Variants in SPOP observed in about 807,000 individuals in gnomAD.
The protein encoded by SPOP is speckle-type POZ protein.
SPOP carries 11 observed loss-of-function variants against 45.6 expected under a neutral mutation model. The ratio of observed to expected loss-of-function variants is 0.24; its 90% confidence interval spans 0.15 to 0.40. SPOP has a LOEUF of 0.40. SPOP is among the 10% of genes least tolerant of loss of function. The probability of loss-of-function intolerance (pLI) is 1.00; values close to 1 mark genes in which losing one functional copy is unlikely to be tolerated. For missense variants in SPOP, 152 were observed against 465.6 expected (o/e 0.33, Z 6.20); for synonymous variants, 166 against 166.3 (o/e 1.00, Z 0.01).
At chr17:49,665,390 G>A (rs1482979603) in intron 1 of SPOP, among the ~76,000 whole-genome samples, 1 of 152,060 alleles carries the variant, frequency 6.6e-6, no homozygotes, top group African/African-American at 2.4e-5. Flanking sequence ...CAAGGCGGGC[G>A]GATCATGAGG....
chr17:49,664,716 G>A (rs906229648), intron 1 of SPOP, among the ~76,000 whole-genome samples: 3 of 152,188 alleles, frequency 2.0e-5, no homozygotes, highest in Non-Finnish European at 4.4e-5. Context: ...TGAACCTGGG[G>A]CAGGTATCTG....
upstream of SPOP, chr17:49,678,157 C>A (rs1003444226): frequency 4.1e-5 from 16 of 394,114 alleles, no homozygotes; most frequent in East Asian, 5.8e-4. Flanking sequence ...CGCGCGGCCT[C>A]CTCCCCATTA....
chr17:49,659,113 A>T (rs1041334175), intron 1 of SPOP, among the ~76,000 whole-genome samples: 1 of 152,234 alleles, frequency 6.6e-6, no homozygotes, highest in Non-Finnish European at 1.5e-5. Context: ...ACAGGTAAGG[A>T]CCACATCACA....
chr17:49,675,569 G>C (rs1240245348), intron 1 of SPOP, among the ~76,000 whole-genome samples: 2 of 152,192 alleles, frequency 1.3e-5, no homozygotes, highest in Non-Finnish European at 2.9e-5. Context: ...TGTTTCATAT[G>C]TATGTACATG....
intron 5 of SPOP, among the ~76,000 whole-genome samples, chr17:49,616,768 G>A (rs890189965): frequency 6.6e-6 from 1 of 152,200 alleles, no homozygotes; most frequent in African/African-American, 2.4e-5. Flanking sequence ...CAACAGAGAA[G>A]TGTGAGAGGA....
intron 8 of SPOP, among the ~76,000 whole-genome samples, chr17:49,604,846 G>A (rs1173383693): frequency 1.3e-5 from 2 of 152,194 alleles, no homozygotes; most frequent in African/African-American, 2.4e-5. Context: ...CCCAATGTGC[G>A]TTTTGGGGAC....
intron 1 of SPOP, among the ~76,000 whole-genome samples, chr17:49,624,707 C>CA (rs2072294748): frequency 6.6e-6 from 1 of 152,010 alleles, no homozygotes; most frequent in African/African-American, 2.4e-5. Flanking sequence ...CTCCTGGACT[C>CA]AAGCAGTATG....
chr17:49,654,037 T>G (rs1254150826), intron 1 of SPOP, among the ~76,000 whole-genome samples: 3 of 152,104 alleles, frequency 2.0e-5, no homozygotes, highest in African/African-American at 7.2e-5. Context: ...GGATGTGAAT[T>G]TAAATGTACA....
intron 8 of SPOP, 173 bp downstream of exon 8, chr17:49,607,074 GAAT>G: frequency 3.0e-6 from 2 of 666,514 alleles, no homozygotes; most frequent in Non-Finnish European, 4.8e-6. Context: ...ACACTTTTGA[GAAT>G]AAAAAGTGTG....
intron 5 of SPOP, among the ~76,000 whole-genome samples, chr17:49,614,779 A>G (rs1017790481): frequency 6.6e-6 from 1 of 151,298 alleles, no homozygotes; most frequent in African/African-American, 2.4e-5. Flanking sequence ...AATTTAGCAA[A>G]AATACCTATT....
Position 49,668,977 on chromosome 17 carries a change from C to T in SPOP, c.-67+8956G>A, listed in dbSNP as rs556462236. Among the ~76,000 whole-genome samples the T allele has an allele frequency of 2.3e-4, 35 of 150,506 alleles. No homozygotes were observed. In the South Asian group the frequency reaches 6.7e-3, roughly 29 times the overall value. On this transcript the variant is annotated intron_variant, in intron 1 of 9. Transcript: ENST00000504102. ...ATTTTTAGTAGAGACGGGGTTTCAC[C>T]GCGTTAGCCAGGGTGGTATCGATCT... is the stretch of plus-strand genomic sequence containing the variant.
intron 1 of SPOP, among the ~76,000 whole-genome samples, chr17:49,638,366 G>A (rs911011682): frequency 1.1e-4 from 17 of 152,114 alleles, no homozygotes; most frequent in African/African-American, 3.1e-4. Context: ...CGAGGCAGGC[G>A]GATCACGAGG....
At chr17:49,644,169 C>T (rs1399825677) in intron 1 of SPOP, among the ~76,000 whole-genome samples, 1 of 152,026 alleles carries the variant, frequency 6.6e-6, no homozygotes, top group Admixed American at 6.6e-5. Flanking sequence ...AGTTCAAGAC[C>T]AGCCTAGGCA....
chr17:49,677,593 G>C (rs774139078), intron 1 of SPOP, among the ~76,000 whole-genome samples: 5 of 152,066 alleles, frequency 3.3e-5, no homozygotes, highest in Non-Finnish European at 7.4e-5. Context: ...CGAAGAAGCA[G>C]CCCGAGCGCG....
intron 1 of SPOP, among the ~76,000 whole-genome samples, chr17:49,650,173 G>A (rs1036083625): frequency 2.0e-5 from 3 of 152,056 alleles, no homozygotes; most frequent in African/African-American, 4.8e-5. Context: ...TTACAGGTGT[G>A]AGCTACCGCA....
intron 8 of SPOP, among the ~76,000 whole-genome samples, chr17:49,605,165 C>T (rs1056778328): frequency 2.0e-5 from 3 of 152,320 alleles, no homozygotes; most frequent in Admixed American, 6.5e-5. Flanking sequence ...CACTTGAACA[C>T]TTCTCAAATT....
At chr17:49,638,954 A>AG in intron 1 of SPOP, among the ~76,000 whole-genome samples, 1 of 152,308 alleles carries the variant, frequency 6.6e-6, no homozygotes, top group African/African-American at 2.4e-5. Flanking sequence ...TGGCAGTTGT[A>AG]GTGAGCAGAG....
rs1162239264 is a variant in SPOP, at chr17:49,599,959, T to G, written c.*419A>C. On this transcript the variant is annotated 3_prime_UTR_variant, in exon 10 of 10. Transcript: ENST00000504102. ...TGATTTTTGAGAAATTCTGCAAAAA[T>G]CTTTTCTTCTTTCCTTTTCCCTTCT... The G allele has an allele frequency of 4.3e-6, 1 of 231,506 alleles. No individual in the cohort carries two copies. The highest frequency in any genetic ancestry group is 8.6e-6 in the Non-Finnish European group (1 of 116,576). The allele number at this position is 231,506 out of a possible 1,614,324, so 14.3% of individuals were successfully genotyped here.
In SPOP at chr17:49,657,922, C is replaced by A. The variant is rs546838424; in HGVS notation, c.-67+20011G>T. On this transcript the variant is annotated intron_variant, in intron 1 of 9. Coordinates refer to ENST00000504102, the MANE Select transcript of SPOP (RefSeq NM_001007228.2). ...GTTACCATGTTAGCCAGGATGGTCT[C>A]AATCTCCTGACCTCATGATCCGCCC... Among the ~76,000 whole-genome samples, 4 of 149,680 alleles carry A rather than the reference C, an allele frequency of 2.7e-5. No individual in the cohort carries two copies. The East Asian group carries it at 6.0e-4, about 23-fold the overall frequency.
Sources: allele counts gnomAD v4.1 joint callset (sites outside exome capture counted in the v4.1 genomes callset), GRCh38; gene constraint gnomAD v4.1.1; transcripts MANE v1.5; gene names NCBI Gene and HGNC (gene_info 2026-07-23, HGNC 2026-07-21).